The following B3GAT2 variants were observed in gnomAD, a reference collection of about 807,000 sequenced individuals.
B3GAT2 encodes the protein beta-1,3-glucuronyltransferase 2.
B3GAT2 carries 26 observed loss-of-function variants against 27.8 expected under a neutral mutation model. The observed-to-expected ratio is 0.93, with a 90% CI of 0.68 to 1.30. The LOEUF is 1.30. Ranked by LOEUF, B3GAT2 falls within the 50% of genes most tolerant of loss-of-function variation. B3GAT2 has a pLI of 0.00. For synonymous variants in B3GAT2, 218 were observed against 195.1 expected, an observed-to-expected ratio of 1.12 and a Z score of -0.98; for missense variants, 458 against 459.0, an observed-to-expected ratio of 1.00 and a Z score of 0.02.
At chr6:70,880,552 C>T (rs907004622) in intron 2 of B3GAT2, among the ~76,000 whole-genome samples, 3 of 152,106 alleles carry the variant, frequency 2.0e-5, no homozygotes, top group African/African-American at 7.2e-5. Flanking sequence ...GGCTGGAGTG[C>T]AGTGGCATGA....
At chr6:70,955,731 G>T (rs1331669977) in intron 1 of B3GAT2, 108 bp downstream of exon 1, 2 of 1,284,514 alleles carry the variant, frequency 1.6e-6, no homozygotes, top group East Asian at 6.1e-5. Flanking sequence ...ACGGAGAACT[G>T]AGAACTCAAA....
At chr6:70,862,353 C>T (rs1018338583) in intron 2 of B3GAT2, among the ~76,000 whole-genome samples, 2 of 152,176 alleles carry the variant, frequency 1.3e-5, no homozygotes, top group Non-Finnish European at 1.5e-5. Flanking sequence ...TACCTAACTA[C>T]ATGTGGGGTA....
rs180908094 is a variant in B3GAT2, at chr6:70,879,342, T to C, written c.736+14786A>G. On this transcript the variant is annotated intron_variant, in intron 2 of 3. Transcript: ENST00000230053. ...CACCTTTCTCCATTATTCTGTATCA[T>C]TCAGTGTTACAGAAAAAAACCTGAT... 1.7e-3 allele frequency among the ~76,000 whole-genome samples: 252 copies of C among 152,292 alleles called. 4 individuals carry two copies. Among genetic ancestry groups the C allele is most frequent in the East Asian group, 7.7e-4 (4 of 5,186 alleles).
intron 2 of B3GAT2, among the ~76,000 whole-genome samples, chr6:70,877,711 A>G (rs557282876): frequency 8.5e-5 from 13 of 152,328 alleles, no homozygotes; most frequent in African/African-American, 3.1e-4. Context: ...ACCTGCCTGT[A>G]AGACTGTCCA....
intron 2 of B3GAT2, among the ~76,000 whole-genome samples, chr6:70,882,765 G>A (rs973084782): frequency 3.9e-5 from 6 of 152,268 alleles, no homozygotes; most frequent in African/African-American, 1.4e-4. Context: ...GGAGAGAGTG[G>A]AGAATGCATG....
At chr6:70,864,593 C>G (rs904477362) in intron 2 of B3GAT2, among the ~76,000 whole-genome samples, 8 of 152,138 alleles carry the variant, frequency 5.3e-5, no homozygotes, top group Non-Finnish European at 1.2e-4. Context: ...AATCAGCTAA[C>G]GCAATTTCCT....
chr6:70,935,329 C>A (rs969688285), intron 1 of B3GAT2, among the ~76,000 whole-genome samples: 3 of 152,066 alleles, frequency 2.0e-5, no homozygotes, highest in African/African-American at 7.2e-5. Context: ...TGGCATGTGC[C>A]TGTAGTCCCA....
chr6:70,956,349 C>T lies in B3GAT2; in HGVS notation c.81G>A (p.Thr27=). The T allele has an allele frequency of 6.4e-7, 1 of 1,568,928 alleles. No individual in the cohort carries two copies. The highest frequency in any genetic ancestry group is 8.6e-7 in the Non-Finnish European group (1 of 1,156,392). Residue 27 remains threonine (T), a synonymous_variant, in exon 1 of 4, where the codon ACG becomes ACA. Transcript: ENST00000230053. Reference sequence around the variant, plus strand: ...GGGTGAGCGGGGGCACTGGCCTGCGCGTGTCCACGTCGAGCATGATGATGA... The same window carrying T: ...GGGTGAGCGGGGGCACTGGCCTGCGTGTGTCCACGTCGAGCATGATGATGA... The part of the protein sequence containing the change: ...LIVIIMLDVD[T]RRPVPPLTPR...
At chr6:70,876,153 G>A (rs533604698) in intron 2 of B3GAT2, among the ~76,000 whole-genome samples, 32 of 152,138 alleles carry the variant, frequency 2.1e-4, no homozygotes, top group Non-Finnish European at 3.5e-4. Flanking sequence ...AAGAGGCCAT[G>A]GTACTACTGA....
At chr6:70,869,951 A>C (rs943663126) in intron 2 of B3GAT2, among the ~76,000 whole-genome samples, 2 of 152,106 alleles carry the variant, frequency 1.3e-5, no homozygotes, top group Non-Finnish European at 2.9e-5. Flanking sequence ...TGGGACTGTA[A>C]ACTAGTAAAA....
At chr6:70,899,585 A>G (rs1772458403) in intron 1 of B3GAT2, among the ~76,000 whole-genome samples, 2 of 152,144 alleles carry the variant, frequency 1.3e-5, no homozygotes, top group South Asian at 4.1e-4. Context: ...TAGTTTAAAA[A>G]CTCAAACAGA....
intron 2 of B3GAT2, among the ~76,000 whole-genome samples, chr6:70,881,676 C>A (rs1772101112): frequency 6.6e-6 from 1 of 152,144 alleles, no homozygotes. Flanking sequence ...CAACCCCCAC[C>A]TGATGTGGGG....
At chr6:70,955,176 A>C (rs1332898615) in intron 1 of B3GAT2, among the ~76,000 whole-genome samples, 1 of 39,058 alleles carries the variant, frequency 2.6e-5, no homozygotes, top group Non-Finnish European at 4.7e-5. Context: ...GTTTTCTTGC[A>C]AAAAAAAAAA....
rs553826561 is a variant in B3GAT2, at chr6:70,900,496, C to G, written c.592-6224G>C. ...CCCCAACTCCTGGGATCAAGTGATC[C>G]TCCCACCTCAGCCTTCTGAGTAGCT... On this transcript the variant is annotated intron_variant, in intron 1 of 3. Transcript: ENST00000230053. Among the ~76,000 whole-genome samples the G allele has an allele frequency of 2.0e-5, 3 of 152,178 alleles. 1 individual carries two copies. The South Asian group carries it at 6.2e-4, about 32-fold the overall frequency.
intron 2 of B3GAT2, among the ~76,000 whole-genome samples, chr6:70,882,895 T>G (rs1328585365): frequency 6.6e-6 from 1 of 151,284 alleles, no homozygotes. Flanking sequence ...GTTGGTGAAG[T>G]CAAATAAATA....
rs1772337269 is a variant in B3GAT2, at chr6:70,894,114, C to A, written c.736+14G>T. 8 of 1,600,238 alleles carry A rather than the reference C, an allele frequency of 5.0e-6. No homozygotes were observed. In the East Asian group the frequency reaches 1.8e-4, roughly 36 times the overall value. On this transcript the variant is annotated intron_variant, in intron 2 of 3. Coordinates refer to ENST00000230053, the MANE Select transcript of B3GAT2 (RefSeq NM_080742.3). ...AGTCCAGCAGGAACAAATGTCATCA[C>A]CCACACTGCTCACCTGCCATGTCGA...
chr6:70,938,359 C>T (rs2150048403), intron 1 of B3GAT2, among the ~76,000 whole-genome samples: 1 of 149,526 alleles, frequency 6.7e-6, no homozygotes, highest in East Asian at 2.0e-4. Context: ...ATGCCATCCC[C>T]ATCAAGCTAC....
intron 1 of B3GAT2, among the ~76,000 whole-genome samples, chr6:70,905,821 G>T (rs1428887637): frequency 6.6e-6 from 1 of 152,082 alleles, no homozygotes; most frequent in Non-Finnish European, 1.5e-5. Context: ...TAACATAACT[G>T]ACTTGAAAGC....
chr6:70,907,709 C>T (rs1005057555), intron 1 of B3GAT2, among the ~76,000 whole-genome samples: 5 of 152,200 alleles, frequency 3.3e-5, no homozygotes, highest in African/African-American at 1.2e-4. Flanking sequence ...CAGTCCTCTT[C>T]CCTTGCAGGG....
Sources: allele counts gnomAD v4.1 joint callset (sites outside exome capture counted in the v4.1 genomes callset), GRCh38; gene constraint gnomAD v4.1.1; transcripts MANE v1.5; gene names NCBI Gene and HGNC (gene_info 2026-07-23, HGNC 2026-07-21).